CHODL: variants seen among roughly 807,000 people sequenced by gnomAD.
CHODL encodes the protein chondrolectin, also known as transmembrane protein MT75.
CHODL carries 29 observed loss-of-function variants against 34.5 expected under a neutral mutation model. The observed-to-expected ratio is 0.84, with a 90% CI of 0.63 to 1.15. CHODL has a LOEUF of 1.15. Among genes scored for constraint, CHODL ranks in the 50% most tolerant of loss-of-function variants. CHODL has a pLI of 0.00. For missense variants in CHODL, 332 were observed against 332.5 expected (o/e 1.00, Z 0.01); for synonymous variants, 125 against 116.1 (o/e 1.08, Z -0.49).
chr21:18,261,527 C>T (rs559596846), intron 4 of CHODL, among the ~76,000 whole-genome samples: 9 of 152,018 alleles, frequency 5.9e-5, no homozygotes, highest in East Asian at 1.9e-4. Context: ...ATTAGCTGGG[C>T]GTGGTGGCAG....
At chr21:17,941,091 A>T (rs1373283815) in intron 1 of CHODL, among the ~76,000 whole-genome samples, 1 of 152,156 alleles carries the variant, frequency 6.6e-6, no homozygotes, top group Non-Finnish European at 1.5e-5. Context: ...GCCATCTCTT[A>T]TCTCTAAATC....
chr21:17,936,132 A>G (rs1172445913), intron 1 of CHODL, among the ~76,000 whole-genome samples: 1 of 152,190 alleles, frequency 6.6e-6, no homozygotes, highest in Non-Finnish European at 1.5e-5. Context: ...TGTGGAACTT[A>G]TTAATGTAGC....
At chr21:18,003,020 G>A (rs2063923083) in intron 1 of CHODL, among the ~76,000 whole-genome samples, 2 of 151,910 alleles carry the variant, frequency 1.3e-5, no homozygotes, top group South Asian at 4.2e-4. Context: ...CTACTCGGGA[G>A]GCTGAGGCAG....
At chr21:17,964,217 A>C (rs1380102806) in intron 1 of CHODL, among the ~76,000 whole-genome samples, 1 of 152,100 alleles carries the variant, frequency 6.6e-6, no homozygotes, top group Non-Finnish European at 1.5e-5. Context: ...TGATCGATAC[A>C]TGTGTTTCAT....
At chr21:18,052,607 C>T (rs182007576) in intron 2 of CHODL, among the ~76,000 whole-genome samples, 1 of 152,000 alleles carries the variant, frequency 6.6e-6, no homozygotes, top group East Asian at 1.9e-4. Context: ...GGTTTCCTAG[C>T]AAGGATATAC....
intron 2 of CHODL, among the ~76,000 whole-genome samples, chr21:18,203,644 T>C (rs2073680125): frequency 6.6e-6 from 1 of 152,138 alleles, no homozygotes; most frequent in Non-Finnish European, 1.5e-5. Flanking sequence ...CTTTCTCTCA[T>C]TTACCTCACA....
chr21:18,246,099 A>C, intron 1 of CHODL: 1 of 686,304 alleles, frequency 1.5e-6, no homozygotes, highest in East Asian at 2.7e-5. Flanking sequence ...TTATATTGCA[A>C]TTACTCTCCC....
intron 2 of CHODL, among the ~76,000 whole-genome samples, chr21:18,187,098 G>A (rs915647372): frequency 6.6e-6 from 1 of 152,114 alleles, no homozygotes; most frequent in Non-Finnish European, 1.5e-5. Flanking sequence ...AAAATGCAAA[G>A]TTTGGGCAGA....
intron 2 of CHODL, among the ~76,000 whole-genome samples, chr21:18,068,201 T>A (rs1479245199): frequency 2.0e-5 from 3 of 152,070 alleles, no homozygotes; most frequent in Non-Finnish European, 4.4e-5. Flanking sequence ...TTTTCTTTTT[T>A]TCTTTTTTTT....
At chr21:17,993,090 G>A (rs185673394) in intron 1 of CHODL, among the ~76,000 whole-genome samples, 65 of 152,228 alleles carry the variant, frequency 4.3e-4, no homozygotes, top group African/African-American at 1.3e-3. Flanking sequence ...TTGAATAAAA[G>A]TGGTGAAAGT....
At chr21:18,147,024 G>A (rs1328131277) in intron 2 of CHODL, among the ~76,000 whole-genome samples, 1 of 152,090 alleles carries the variant, frequency 6.6e-6, no homozygotes, top group Non-Finnish European at 1.5e-5. Context: ...TTGGCCTTAT[G>A]TACTCTGCTT....
chr21:18,248,607 G>GTATAATACATA (rs1267667719), intron 1 of CHODL, among the ~76,000 whole-genome samples: 3 of 124,496 alleles, frequency 2.4e-5, no homozygotes, highest in Non-Finnish European at 4.8e-5. Context: ...TAAAATATAT[G>GTATAATACATA]TATAATACAT....
chr21:18,100,561 T>C (rs773865779), intron 2 of CHODL, among the ~76,000 whole-genome samples: 1 of 152,148 alleles, frequency 6.6e-6, no homozygotes, highest in Non-Finnish European at 1.5e-5. Flanking sequence ...AAGGATATTA[T>C]TTAGAGACTC....
intron 2 of CHODL, among the ~76,000 whole-genome samples, chr21:18,164,643 T>G (rs1201168092): frequency 6.6e-6 from 1 of 152,162 alleles, no homozygotes; most frequent in African/African-American, 2.4e-5. Flanking sequence ...ACGAGAAATA[T>G]CCTAATGATT....
chr21:18,068,694 C>T (rs2064760717), intron 2 of CHODL, among the ~76,000 whole-genome samples: 1 of 152,082 alleles, frequency 6.6e-6, no homozygotes, highest in Non-Finnish European at 1.5e-5. Flanking sequence ...TTCCTTCTTA[C>T]ATATTCTGTC....
intron 1 of CHODL, among the ~76,000 whole-genome samples, chr21:17,946,504 G>A (rs1200862939): frequency 6.6e-6 from 1 of 152,148 alleles, no homozygotes; most frequent in South Asian, 2.1e-4. Flanking sequence ...CTGAAAAGAG[G>A]TATTGAAGTC....
rs150886043 is a variant in CHODL, at chr21:17,929,410, G to A, written c.-145+12010G>A. On this transcript the variant is annotated intron_variant, in intron 1 of 6. Transcript: ENST00000400127. ...CAAGATGGCTGACTAGAAGCAGCTA[G>A]TGGGTTCCTCTTCCATGGAGATGAA... Among the ~76,000 whole-genome samples the A allele has an allele frequency of 3.7e-3, 567 of 152,370 alleles. 3 individuals are homozygous for A. The highest frequency in any genetic ancestry group is 0.013 in the African/African-American group (536 of 41,586).
intron 2 of CHODL, among the ~76,000 whole-genome samples, chr21:18,118,976 A>G (rs1232753012): frequency 6.6e-6 from 1 of 152,128 alleles, no homozygotes; most frequent in Non-Finnish European, 1.5e-5. Context: ...CTCCACTCCC[A>G]GCAGTCAGTT....
At chr21:18,004,160 G>C (rs1245261312) in intron 1 of CHODL, among the ~76,000 whole-genome samples, 1 of 152,146 alleles carries the variant, frequency 6.6e-6, no homozygotes, top group African/African-American at 2.4e-5. Flanking sequence ...GGCCTTAAAA[G>C]AGTCAAATGG....
Sources: allele counts gnomAD v4.1 joint callset (sites outside exome capture counted in the v4.1 genomes callset), GRCh38; gene constraint gnomAD v4.1.1; transcripts MANE v1.5; gene names NCBI Gene and HGNC (gene_info 2026-07-23, HGNC 2026-07-21).